Variants in ADCYAP1 observed in about 807,000 individuals in gnomAD.
ADCYAP1 encodes adenylate cyclase activating polypeptide 1, also known as pituitary adenylate cyclase-activating polypeptide.
In ADCYAP1, 6 loss-of-function variants were observed where a neutral mutation model predicts 18.5. The ratio of observed to expected loss-of-function variants is 0.32; its 90% CI spans 0.18 to 0.64. The LOEUF (loss-of-function observed/expected upper bound fraction) is 0.64, where lower values mean the gene tolerates loss of function less well. Ranked by LOEUF, ADCYAP1 falls within the 30% of genes least tolerant of loss-of-function variation. The pLI, the probability that ADCYAP1 is intolerant of heterozygous loss-of-function variation, is 0.77. For missense variants in ADCYAP1, 314 were observed against 253.6 expected (o/e 1.24, Z -1.62); for synonymous variants, 136 against 113.9 (o/e 1.19, Z -1.24).
chr18:908,828 G>T (rs183796076), intron 4 of ADCYAP1, among the ~76,000 whole-genome samples: 1,913 of 152,316 alleles, frequency 0.013, 24 homozygotes, highest in Non-Finnish European at 0.02. Flanking sequence ...CAGGGCTTGT[G>T]TGAAGCCTAT....
At chr18:907,505 T>G in intron 2 of ADCYAP1, 154 bp from the exon 3 acceptor site, 1 of 812,782 alleles carries the variant, frequency 1.2e-6, no homozygotes, top group East Asian at 3.3e-5. Context: ...CCTCCTTACC[T>G]CTGCTCCCAC....
rs1326732393 is a variant in ADCYAP1, at chr18:907,884, T to TG, written c.242+94_242+95insG. ...TGTGGTGACCCACCCAGGATTTTTTTTTTTTTCCCGTGAAAGTCCTCAAGC... is the reference window on the plus strand; with the variant it reads ...TGTGGTGACCCACCCAGGATTTTTTTGTTTTTTCCCGTGAAAGTCCTCAAGC... On this transcript the variant is annotated intron_variant, in intron 3 of 4. Coordinates refer to ENST00000450565, the MANE Select transcript of ADCYAP1 (RefSeq NM_001099733.2). The TG allele has an allele frequency of 3.5e-5, 49 of 1,386,334 alleles. No individual in the cohort carries two copies. The African/African-American group carries it at 6.5e-4, about 18-fold the overall frequency. The allele number at this position is 1,386,334 out of a possible 1,614,324, so 85.9% of individuals were successfully genotyped here.
intron 4 of ADCYAP1, 72 bp from the exon 5 acceptor site, chr18:909,374 C>A: frequency 6.7e-7 from 1 of 1,486,882 alleles, no homozygotes. Context: ...GGGTGGGGCC[C>A]GCCTGCTCCC....
intron 1 of ADCYAP1, 64 bp downstream of exon 1, chr18:905,124 A>G (rs1893154): frequency 0.75 from 1,023,299 of 1,364,876 alleles, 385,695 homozygotes; most frequent in East Asian, 0.91. Context: ...TTCGCTTGGC[A>G]TCGCGTCAGG....
intron 2 of ADCYAP1, chr18:907,456 G>A (rs952017815): frequency 4.1e-5 from 20 of 491,296 alleles, no homozygotes; most frequent in Non-Finnish European, 5.8e-5. Context: ...GGGTGGGCGG[G>A]CCGCCCGGCG....
At position 910,007 on chromosome 18, in the gene ADCYAP1, G is replaced by A. The variant is rs1909333295; in HGVS notation, c.*372G>A. The A allele has an allele frequency of 6.6e-6, 1 of 152,150 alleles. No individual in the cohort carries two copies. The highest frequency in any genetic ancestry group is 1.9e-4 in the East Asian group (1 of 5,174). 9.4% of individuals were successfully genotyped at this position (152,150 alleles called of 1,614,324 possible). ...ATAAATAGAAAAGTAGACAATCATTGTTTTGAATATTACTCCTATTTTTGT... is the reference window on the plus strand; with the variant it reads ...ATAAATAGAAAAGTAGACAATCATTATTTTGAATATTACTCCTATTTTTGT... On this transcript the variant is annotated 3_prime_UTR_variant, in exon 5 of 5. Transcript: ENST00000450565.
intron 2 of ADCYAP1, 60 bp from the exon 3 acceptor site, chr18:907,599 C>T (rs1007003590): frequency 2.0e-6 from 3 of 1,524,056 alleles, no homozygotes; most frequent in South Asian, 1.2e-5. Flanking sequence ...ACTTTGGATC[C>T]TCGCCGAGCT....
upstream of ADCYAP1, chr18:904,511 G>T: frequency 7.8e-7 from 1 of 1,289,170 alleles, no homozygotes; most frequent in Non-Finnish European, 1.0e-6. Flanking sequence ...AGATAAATAG[G>T]AGCAGAAGGC....
rs1385018141 is a variant in ADCYAP1, at chr18:910,526, G to C, written c.*891G>C. 1 of 152,248 alleles carries C rather than the reference G, an allele frequency of 6.6e-6. No individual in the cohort carries two copies. Among genetic ancestry groups the C allele is most frequent in the African/African-American group, 2.4e-5 (1 of 41,450 alleles). The allele number at this position is 152,248 out of a possible 1,614,324, so 9.4% of individuals were successfully genotyped here. A position where few individuals can be genotyped will look rare whatever the true frequency, so the allele number is the denominator to read the frequency against. On this transcript the variant is annotated 3_prime_UTR_variant, in exon 5 of 5. Transcript: ENST00000450565. ...CAATTGGAACAAAGTGAAGGACATA[G>C]AGGTATATTGGAAGAGGCAGAGCCT...
At chr18:908,076 G>A (rs990493188) in intron 3 of ADCYAP1, 189 bp from the exon 4 acceptor site, 1 of 670,888 alleles carries the variant, frequency 1.5e-6, no homozygotes, top group African/African-American at 1.9e-5. Flanking sequence ...CTAGAGCCGG[G>A]ACTAGCTCCC....
Position 904,904 on chromosome 18 carries a change from T to C in ADCYAP1, c.-158T>C. ...AGCCTCGGCAAACGAGTCCCGCAGC[T>C]CCTCCTGCTGCTCCCGCTGGTTCCT... On this transcript the variant is annotated 5_prime_UTR_variant, in exon 1 of 5. Coordinates refer to ENST00000450565, the MANE Select transcript of ADCYAP1 (RefSeq NM_001099733.2). The C allele has an allele frequency of 4.7e-6, 6 of 1,289,184 alleles. No homozygotes were observed. Among genetic ancestry groups the C allele is most frequent in the Non-Finnish European group, 6.1e-6 (6 of 988,668 alleles). 79.9% of individuals were successfully genotyped at this position (1,289,184 alleles called of 1,614,324 possible).
In ADCYAP1 at chr18:911,548, C is replaced by T. The variant is rs935399397; in HGVS notation, c.*1913C>T. On this transcript the variant is annotated 3_prime_UTR_variant, in exon 5 of 5. Coordinates refer to ENST00000450565, the MANE Select transcript of ADCYAP1 (RefSeq NM_001099733.2). ...ACAGAATTGGATTTGCATTCCCAGG[C>T]GGGATGGATGCTGCCAGGAGATCAC... 1 of 152,094 alleles carries T rather than the reference C, an allele frequency of 6.6e-6. No individual in the cohort carries two copies. Among genetic ancestry groups the T allele is most frequent in the East Asian group, 1.9e-4 (1 of 5,194 alleles). 9.4% of individuals were successfully genotyped at this position (152,094 alleles called of 1,614,324 possible).
At chr18:907,964 G>C in intron 3 of ADCYAP1, 174 bp downstream of exon 3, 4 of 1,251,904 alleles carry the variant, frequency 3.2e-6, no homozygotes, top group African/African-American at 3.1e-5. Context: ...GCAGCGGGCG[G>C]GTCTGTGTGG....
At chr18:908,855 A>G (rs925971602) in intron 4 of ADCYAP1, among the ~76,000 whole-genome samples, 5 of 152,208 alleles carry the variant, frequency 3.3e-5, no homozygotes, top group Non-Finnish European at 7.3e-5. Flanking sequence ...AGAAGGCAAC[A>G]TTCTAATAAA....
chr18:904,669 C>T (rs556213748), upstream of ADCYAP1: 222 of 1,221,010 alleles, frequency 1.8e-4, no homozygotes, highest in Non-Finnish European at 2.3e-4. Context: ...CCCGCCCTCT[C>T]CCTTGCCTTC....
chr18:907,651 C>A lies in ADCYAP1; in HGVS notation c.111-8C>A, dbSNP rs775582843. 2.0e-5 allele frequency: 32 copies of A among 1,580,942 alleles called. 1 individual carries two copies. In the Middle Eastern group the frequency reaches 6.7e-4, roughly 33 times the overall value. On this transcript the variant is annotated splice_polypyrimidine_tract_variant and splice_region_variant and intron_variant, in intron 2 of 4. Transcript: ENST00000450565. The stretch of plus-strand genomic sequence containing the variant: ...TGACCACACCTTCTGTCCCCGGCCA[C>A]CCCGCAGGCCAGAGGAAGAGGCGTA...
Position 905,088 on chromosome 18 carries a change from G to T in ADCYAP1, c.-2+28G>T, listed in dbSNP as rs545996382. 36 of 1,314,058 alleles carry T rather than the reference G, an allele frequency of 2.7e-5. No homozygotes were observed. The East Asian group carries it at 6.4e-4, about 23-fold the overall frequency. 81.4% of individuals were successfully genotyped at this position (1,314,058 alleles called of 1,614,324 possible). On this transcript the variant is annotated intron_variant, in intron 1 of 4. Transcript: ENST00000450565. The stretch of plus-strand genomic sequence containing the variant: ...AAGGGAGGGAAAATCTTACCAAAGC[G>T]ACCGGCTCACTCGACTGCTGATTCT...
In ADCYAP1 at chr18:912,019, A is replaced by C. The variant is rs1475242421; in HGVS notation, c.*2384A>C. On this transcript the variant is annotated 3_prime_UTR_variant, in exon 5 of 5. Coordinates refer to ENST00000450565, the MANE Select transcript of ADCYAP1 (RefSeq NM_001099733.2). ...TATGATATAGTGATAATTTAGGTAG[A>C]TGTTAGTCTTGAAGCTCTTATTTTG... The C allele has an allele frequency of 6.6e-6, 1 of 152,204 alleles. No homozygotes were observed. The highest frequency in any genetic ancestry group is 2.4e-5 in the African/African-American group (1 of 41,456). 9.4% of individuals were successfully genotyped at this position (152,204 alleles called of 1,614,324 possible). A position where few individuals can be genotyped will look rare whatever the true frequency, so the allele number is the denominator to read the frequency against.
rs1470938320 is a variant in ADCYAP1 at position 909,809 on chromosome 18, C to T, written c.*174C>T. On this transcript the variant is annotated 3_prime_UTR_variant, in exon 5 of 5. Transcript: ENST00000450565. ...ATATTGTTTTTCTTTCTACAAAGCA[C>T]TAGAGAATGCACAGATATACTTTGT... The T allele has an allele frequency of 2.7e-6, 1 of 365,386 alleles. No individual in the cohort carries two copies. The highest frequency in any genetic ancestry group is 2.1e-5 in the African/African-American group (1 of 46,830). 22.6% of individuals were successfully genotyped at this position (365,386 alleles called of 1,614,324 possible).
Sources: gnomAD v4.1 joint callset for allele counts (sites outside exome capture counted in the v4.1 genomes callset) on GRCh38, gnomAD v4.1.1 for gene constraint, MANE v1.5 for transcripts, NCBI Gene and HGNC (gene_info 2026-07-23, HGNC 2026-07-21) for gene names.